The following EFTUD2 variants were observed in gnomAD, a reference collection of about 807,000 sequenced individuals.
EFTUD2 encodes the protein elongation factor Tu GTP binding domain containing 2, also known as 116 kDa U5 small nuclear ribonucleoprotein component.
In EFTUD2, 9 loss-of-function variants were observed where a neutral mutation model predicts 114.3. That is an observed-to-expected ratio of 0.08 (90% CI 0.05 to 0.14). EFTUD2 has a LOEUF of 0.14. Ranked by LOEUF, EFTUD2 falls within the 10% of genes least tolerant of loss-of-function variation. The pLI is 1.00. For missense variants in EFTUD2, 765 were observed against 1,241.2 expected (o/e 0.62, Z 5.76); for synonymous variants, 449 against 462.3 (o/e 0.97, Z 0.37).
At chr17:44,883,183 T>C in intron 5 of EFTUD2, 25 bp from the exon 6 acceptor site, 4 of 1,612,828 alleles carry the variant, frequency 2.5e-6, no homozygotes, top group Non-Finnish European at 3.4e-6. Flanking sequence ...ACAGTTAACA[T>C]CTGCCGACCA....
intron 10 of EFTUD2, among the ~76,000 whole-genome samples, chr17:44,874,035 C>CTTTT (rs35563732): frequency 2.6e-5 from 3 of 115,476 alleles, no homozygotes; most frequent in Non-Finnish European, 3.5e-5. Context: ...TGCCCGGCCT[C>CTTTT]TTTTTTTTTT....
chr17:44,887,458 A>C (rs2051195200), intron 2 of EFTUD2, among the ~76,000 whole-genome samples: 1 of 152,240 alleles, frequency 6.6e-6, no homozygotes, highest in Non-Finnish European at 1.5e-5. Context: ...AATGTGGTAC[A>C]TCCATACAAA....
At chr17:44,860,204 C>T in intron 17 of EFTUD2, 159 bp from the exon 18 acceptor site, 1 of 994,312 alleles carries the variant, frequency 1.0e-6, no homozygotes. Context: ...GCCATTTCTT[C>T]CCAGGTATTC....
Position 44,854,041 on chromosome 17 carries a change from G to C in EFTUD2, c.2347+228C>G. ...TACGTCCAACGCCAAACCCTTCTCA[G>C]AAATGAGGAGCAAATGACAGTTTAG... On this transcript the variant is annotated intron_variant, in intron 23 of 27. Transcript: ENST00000426333. This position sits in a 1 kb window ranked among gnomAD's most constrained non-coding sequence, Gnocchi z 4.3. 1 of 1,377,462 alleles carries C rather than the reference G, an allele frequency of 7.3e-7. No homozygotes were observed. 85.3% of individuals were successfully genotyped at this position (1,377,462 alleles called of 1,614,324 possible). A position where few individuals can be genotyped will look rare whatever the true frequency, so the allele number is the denominator to read the frequency against.
chr17:44,883,107 G>A lies in EFTUD2; in HGVS notation c.478C>T (p.Arg160Cys), dbSNP rs750136007. ...GTTCTACTTACATCTTGGTCATAGC[G>A]CTTTCTGATTTCCGGGTGAGTCTGT... ...IEQTHPEIRK[R>C]YDQDLCYTDI... is the part of the protein sequence containing the mutation. The change falls in exon 6 of 28, where the codon CGC becomes TGC. Residue 160 changes from arginine (R) to cysteine (C), a missense_variant. Physicochemically the swap from Arg to Cys is radical, Grantham distance 180. Transcript: ENST00000426333. 4 of 1,614,044 alleles carry A rather than the reference G, an allele frequency of 2.5e-6. No individual in the cohort carries two copies. Among genetic ancestry groups the A allele is most frequent in the East Asian group, 2.2e-5 (1 of 44,864 alleles).
In EFTUD2 at chr17:44,886,618, T is replaced by C. The variant is rs2051177775; in HGVS notation, c.238A>G (p.Ile80Val). 1 of 1,614,206 alleles carries C rather than the reference T, an allele frequency of 6.2e-7. No individual in the cohort carries two copies. The change falls in exon 3 of 28, where the codon ATA becomes GTA. Residue 80 changes from isoleucine (I) to valine (V), a missense_variant. By Grantham distance (29) the Ile-to-Val change is conservative. This residue lies in a region of EFTUD2 where 121 missense variants were observed against 133.7 expected (regional missense o/e 0.90). Coordinates refer to ENST00000426333, the MANE Select transcript of EFTUD2 (RefSeq NM_004247.4). ...EEVYGPEVET[I>V]VQEEDTQPLT... The stretch of plus-strand genomic sequence containing the variant: ...GGCTGAGTGTCTTCCTCTTGAACTA[T>C]GGTCTCCACCTCAGGACCATACACC...
intron 9 of EFTUD2, among the ~76,000 whole-genome samples, chr17:44,876,401 T>C (rs559186409): frequency 6.6e-6 from 1 of 152,236 alleles, no homozygotes; most frequent in South Asian, 2.1e-4. Flanking sequence ...TGAAATGGAA[T>C]TGGGGGTATT....
At chr17:44,880,687 A>C (rs775016972) in intron 7 of EFTUD2, 43 bp from the exon 8 acceptor site, 1 of 1,550,492 alleles carries the variant, frequency 6.4e-7, no homozygotes, top group East Asian at 2.3e-5. Flanking sequence ...CCTATGCAAG[A>C]GGGGTTCATT....
In EFTUD2 at chr17:44,853,601, C is replaced by G. The variant is rs777836549; in HGVS notation, c.2382G>C (p.Ala794=). The change falls in exon 24 of 28, where the codon GCG becomes GCC. Residue 794 remains alanine (A), a synonymous_variant. Coordinates refer to ENST00000426333, the MANE Select transcript of EFTUD2 (RefSeq NM_004247.4). The stretch of plus-strand genomic sequence containing the variant: ...GGTGCAGGGGCTCCTGGGCAACCAC[C>G]GCATCCAGGATCTTAAACTTGACAT... ...IRNVKFKILD[A]VVAQEPLHRG... is the part of the protein sequence containing the mutation. The G allele has an allele frequency of 1.2e-6, 2 of 1,614,162 alleles. No individual in the cohort carries two copies. The highest frequency in any genetic ancestry group is 8.5e-7 in the Non-Finnish European group (1 of 1,180,016).
chr17:44,855,655 A>G (rs1450658481), intron 20 of EFTUD2, among the ~76,000 whole-genome samples: 1 of 152,148 alleles, frequency 6.6e-6, no homozygotes, highest in Admixed American at 6.5e-5. Flanking sequence ...CCCCATCTCT[A>G]TAAAAAATTA....
intron 2 of EFTUD2, chr17:44,894,102 A>G (rs1415141372): frequency 4.2e-6 from 1 of 235,404 alleles, no homozygotes; most frequent in Non-Finnish European, 8.3e-6. Context: ...GGGGCTGGGC[A>G]TGGTGGCTCA....
intron 15 of EFTUD2, 164 bp from the exon 16 acceptor site, chr17:44,863,070 G>T: frequency 1.9e-6 from 1 of 531,126 alleles, no homozygotes; most frequent in Non-Finnish European, 3.2e-6. Context: ...CTCTGAGAAG[G>T]ATGAATAGGA....
chr17:44,856,272 TA>T (rs1394791843), intron 20 of EFTUD2, among the ~76,000 whole-genome samples: 1 of 151,962 alleles, frequency 6.6e-6, no homozygotes, highest in Non-Finnish European at 1.5e-5. Flanking sequence ...CTCATGCCTG[TA>T]ATCCCAGCAT....
At chr17:44,872,116 C>T (rs1448976957) in intron 11 of EFTUD2, among the ~76,000 whole-genome samples, 2 of 152,178 alleles carry the variant, frequency 1.3e-5, no homozygotes, top group Non-Finnish European at 2.9e-5. Context: ...GAGGGAGATG[C>T]CACCTGTGAG....
At chr17:44,853,820 A>G in intron 23 of EFTUD2, 185 bp from the exon 24 acceptor site, 1 of 1,432,800 alleles carries the variant, frequency 7.0e-7, no homozygotes, top group Middle Eastern at 2.6e-4. Flanking sequence ...TCAGAAGTTA[A>G]GCATATGTTC....
Position 44,894,264 on chromosome 17 carries a change from G to A in EFTUD2, c.105+153C>T, listed in dbSNP as rs1010870824. 3 of 622,504 alleles carry A rather than the reference G, an allele frequency of 4.8e-6. No homozygotes were observed. In the African/African-American group the frequency reaches 5.5e-5, roughly 12 times the overall value. 38.6% of individuals were successfully genotyped at this position (622,504 alleles called of 1,614,324 possible). A position where few individuals can be genotyped will look rare whatever the true frequency, so the allele number is the denominator to read the frequency against. Reference sequence around the variant, plus strand: ...GCATACCTGTAGTCCCAGCTACTTGGGAGGCCAAGGTGGGAGGATCACTTA... The same window carrying A: ...GCATACCTGTAGTCCCAGCTACTTGAGAGGCCAAGGTGGGAGGATCACTTA... On this transcript the variant is annotated intron_variant, in intron 2 of 27. Transcript: ENST00000426333.
In EFTUD2 at chr17:44,898,343, G is replaced by A. The variant is rs533231783; in HGVS notation, c.-5+1026C>T. ...AGCGATTCTCCTGCCTCAGCCTCCCGAGTAGTTGGGACTACAGGAGTGCAC... is the reference window on the plus strand; with the variant it reads ...AGCGATTCTCCTGCCTCAGCCTCCCAAGTAGTTGGGACTACAGGAGTGCAC... On this transcript the variant is annotated intron_variant, in intron 1 of 27. Transcript: ENST00000426333. 3.2e-4 allele frequency among the ~76,000 whole-genome samples: 49 copies of A among 152,080 alleles called. No individual in the cohort carries two copies. In the East Asian group the frequency reaches 6.9e-3, roughly 22 times the overall value.
At chr17:44,857,606 G>A (rs866286218) in intron 19 of EFTUD2, 15 of 202,288 alleles carry the variant, frequency 7.4e-5, no homozygotes, top group Non-Finnish European at 1.3e-4. Flanking sequence ...GAAACCCAGT[G>A]TTTTCTATGA....
At position 44,881,740 on chromosome 17, in the gene EFTUD2, G is replaced by C. The variant is rs756655420; in HGVS notation, c.493-18C>G. On this transcript the variant is annotated intron_variant, in intron 6 of 27. Coordinates refer to ENST00000426333, the MANE Select transcript of EFTUD2 (RefSeq NM_004247.4). ...TAGCACAGCTGAAAAAAAATTAACT[G>C]TTGTTACCACCTGAGTTGAGACTGC... 1 of 1,613,670 alleles carries C rather than the reference G, an allele frequency of 6.2e-7. No individual in the cohort carries two copies. Among genetic ancestry groups the C allele is most frequent in the African/African-American group, 1.3e-5 (1 of 74,892 alleles).
Sources: allele counts gnomAD v4.1 joint callset (sites outside exome capture counted in the v4.1 genomes callset), GRCh38; gene constraint gnomAD v4.1.1; regional missense constraint gnomAD v4.1.1; non-coding constraint Gnocchi (gnomAD v3.1); transcripts MANE v1.5; gene names NCBI Gene and HGNC (gene_info 2026-07-23, HGNC 2026-07-21).